Variants in DNAI1 observed in about 807,000 individuals in gnomAD.
DNAI1 encodes dynein, axonemal, intermediate polypeptide 1.
DNAI1 carries 67 observed loss-of-function variants against 92.0 expected under a neutral mutation model. The observed-to-expected ratio is 0.73, with a 90% CI of 0.60 to 0.89. DNAI1 has a LOEUF of 0.89. Ranked by LOEUF, DNAI1 falls within the 40% of genes least tolerant of loss-of-function variation. DNAI1 has a pLI of 0.00. For missense variants in DNAI1, 839 were observed against 866.6 expected (o/e 0.97, Z 0.40); for synonymous variants, 323 against 319.6 (o/e 1.01, Z -0.11).
chr9:34,466,109 A>G (rs928294831), intron 1 of DNAI1, among the ~76,000 whole-genome samples: 7 of 152,254 alleles, frequency 4.6e-5, no homozygotes, highest in Non-Finnish European at 1.5e-5. Flanking sequence ...GAATGAATGA[A>G]TAATGACTGA....
intron 1 of DNAI1, among the ~76,000 whole-genome samples, chr9:34,461,649 G>A (rs776586560): frequency 6.6e-6 from 1 of 152,194 alleles, no homozygotes; most frequent in Non-Finnish European, 1.5e-5. Flanking sequence ...AAAAAACTGG[G>A]TCAACTGGCC....
intron 13 of DNAI1, among the ~76,000 whole-genome samples, chr9:34,509,421 C>G (rs1445697763): frequency 3.3e-5 from 5 of 151,972 alleles, no homozygotes; most frequent in Non-Finnish European, 5.9e-5. Context: ...CATGCAGAAG[C>G]CCATATTAAA....
chr9:34,460,834 T>A (rs1040620300), intron 1 of DNAI1, among the ~76,000 whole-genome samples: 3 of 151,822 alleles, frequency 2.0e-5, no homozygotes, highest in Admixed American at 2.0e-4. Flanking sequence ...AATTTTTTTT[T>A]ATTATTTTAT....
intron 7 of DNAI1, 65 bp from the exon 8 acceptor site, chr9:34,491,429 TA>T: frequency 6.4e-7 from 1 of 1,565,304 alleles, no homozygotes; most frequent in Non-Finnish European, 8.8e-7. Context: ...CTCAAAGATA[TA>T]CTGTTGGATT....
In DNAI1 at chr9:34,497,165, G is replaced by T. The variant is rs772094952; in HGVS notation, c.867G>T (p.Met289Ile). 2.9e-5 allele frequency: 47 copies of T among 1,613,974 alleles called. No individual in the cohort carries two copies. Among genetic ancestry groups the T allele is most frequent in the Non-Finnish European group, 3.8e-5 (45 of 1,179,970 alleles). ...LSQAAKIMER[M>I]VNQNTYDDIA... ...AAGCTGCTAAGATCATGGAGCGGAT[G>T]GTCAACCAGAATACATATGATGACA... Residue 289 changes from methionine (M) to isoleucine (I), a missense_variant, in exon 10 of 20, where the codon ATG becomes ATT. Met to Ile is a conservative substitution (Grantham distance 10). Transcript: ENST00000242317.
chr9:34,494,796 TG>T (rs1341721012), intron 9 of DNAI1, among the ~76,000 whole-genome samples: 5 of 152,154 alleles, frequency 3.3e-5, no homozygotes, highest in African/African-American at 1.2e-4. Context: ...AGAGTCCACA[TG>T]GGAGGCAGGA....
At chr9:34,490,329 C>T in intron 6 of DNAI1, 40 bp from the exon 7 acceptor site, 1 of 1,614,150 alleles carries the variant, frequency 6.2e-7, no homozygotes. Context: ...CTACCACCTT[C>T]TCACAGCTGA....
At chr9:34,497,003 G>A in intron 9 of DNAI1, 112 bp from the exon 10 acceptor site, 1 of 826,374 alleles carries the variant, frequency 1.2e-6, no homozygotes, top group East Asian at 2.5e-5. Flanking sequence ...TATCTGGGGT[G>A]AGTAGTGCCA....
chr9:34,511,549 T>C (rs1003036229), intron 13 of DNAI1, among the ~76,000 whole-genome samples: 3 of 152,142 alleles, frequency 2.0e-5, no homozygotes, highest in African/African-American at 7.2e-5. Context: ...CTGCAGAACC[T>C]TGGCACCCAG....
chr9:34,490,429 C>T lies in DNAI1; in HGVS notation c.562C>T (p.Leu188Phe). ...TCCTAAGCAGCCCAAGGAGAGAAAG[C>T]TCACTAACCAGTTCAACTTCAGTGA... ...MTPKQPKERK[L>F]TNQFNFSERA... Residue 188 changes from leucine (L) to phenylalanine (F), a missense_variant, in exon 7 of 20, where the codon CTC (leucine) becomes TTC (phenylalanine). Coordinates refer to ENST00000242317, the MANE Select transcript of DNAI1 (RefSeq NM_012144.4). The T allele has an allele frequency of 6.2e-7, 1 of 1,614,212 alleles. No homozygotes were observed. The highest frequency in any genetic ancestry group is 8.5e-7 in the Non-Finnish European group (1 of 1,180,038).
chr9:34,501,067 T>C, intron 11 of DNAI1, 71 bp from the exon 12 acceptor site: 1 of 1,327,412 alleles, frequency 7.5e-7, no homozygotes, highest in South Asian at 1.2e-5. Flanking sequence ...CCAGTGCCAA[T>C]GGGAAGGCCC....
intron 1 of DNAI1, among the ~76,000 whole-genome samples, chr9:34,479,163 G>A (rs1337115042): frequency 6.6e-6 from 1 of 152,188 alleles, no homozygotes; most frequent in Admixed American, 6.5e-5. Flanking sequence ...CCAGGGACTC[G>A]CTGGACTGCA....
rs1335697132 is a variant in DNAI1, at chr9:34,506,748, C to T, written c.1185C>T (p.His395=). Residue 395 remains histidine, a synonymous_variant, in exon 13 of 20, where the codon CAC becomes CAT. Transcript: ENST00000242317. ...TGTGTCTCGACATCCACGTGGACCA[C>T]CCCTACCTGGTGGCAGTAGGCCACT... The part of the protein sequence containing the change: ...GVMCLDIHVD[H]PYLVAVGHYD... 1 of 1,614,180 alleles carries T rather than the reference C, an allele frequency of 6.2e-7. No individual in the cohort carries two copies. Among genetic ancestry groups the T allele is most frequent in the Non-Finnish European group, 8.5e-7 (1 of 1,180,040 alleles).
At chr9:34,470,810 G>A (rs557021891) in intron 1 of DNAI1, among the ~76,000 whole-genome samples, 1 of 152,270 alleles carries the variant, frequency 6.6e-6, no homozygotes, top group East Asian at 1.9e-4. Flanking sequence ...ACAAGGATGA[G>A]CCATATACTG....
chr9:34,492,493 G>GAGAGATATATATATATATATATAT (rs1271867592), intron 8 of DNAI1, among the ~76,000 whole-genome samples: 2 of 68,268 alleles, frequency 2.9e-5, no homozygotes, highest in South Asian at 4.5e-4. Context: ...GGGATATGAA[G>GAGAGATATATATATATATATATAT]ATATATATAT....
intron 1 of DNAI1, among the ~76,000 whole-genome samples, chr9:34,471,875 ACATC>A (rs1824142264): frequency 6.6e-6 from 1 of 152,222 alleles, no homozygotes; most frequent in African/African-American, 2.4e-5. Context: ...ACAAGATTAA[ACATC>A]CATCCACAAA....
At chr9:34,520,627 C>G (rs1416436011) in intron 19 of DNAI1, 31 bp from the exon 20 acceptor site, 1 of 1,545,716 alleles carries the variant, frequency 6.5e-7, no homozygotes, top group East Asian at 2.4e-5. Context: ...GCCCACCATT[C>G]CTCCCTCATG....
At chr9:34,517,520 T>G in intron 19 of DNAI1, 53 bp downstream of exon 19, 1 of 1,609,806 alleles carries the variant, frequency 6.2e-7, no homozygotes. Flanking sequence ...TCCAGGAGGG[T>G]GGGGATGACA....
At chr9:34,495,084 A>C (rs996169927) in intron 9 of DNAI1, among the ~76,000 whole-genome samples, 2 of 152,240 alleles carry the variant, frequency 1.3e-5, no homozygotes, top group African/African-American at 4.8e-5. Context: ...GGTGGACCTC[A>C]GGTCTCTGTC....
Sources: allele counts gnomAD v4.1 joint callset (sites outside exome capture counted in the v4.1 genomes callset), GRCh38; gene constraint gnomAD v4.1.1; transcripts MANE v1.5; gene names NCBI Gene and HGNC (gene_info 2026-07-23, HGNC 2026-07-21).